The following SLC26A9 variants were observed in gnomAD, a reference collection of about 807,000 sequenced individuals.
The protein encoded by SLC26A9 is anion transporter/exchanger protein 9.
SLC26A9 carries 46 observed loss-of-function variants against 87.1 expected under a neutral mutation model. The observed-to-expected ratio is 0.53, with a 90% CI of 0.42 to 0.67. SLC26A9 has a LOEUF of 0.67. Ranked by LOEUF, SLC26A9 falls within the 30% of genes least tolerant of loss-of-function variation. The pLI, the probability that SLC26A9 is intolerant of heterozygous loss-of-function variation, is 0.00. For missense variants in SLC26A9, 927 were observed against 1,018.3 expected (o/e 0.91, Z 1.22); for synonymous variants, 437 against 409.1 (o/e 1.07, Z -0.82).
Position 205,914,723 on chromosome 1 carries a change from G to C in SLC26A9, c.*634C>G. On this transcript the variant is annotated 3_prime_UTR_variant, in exon 21 of 21. Coordinates refer to ENST00000367135, the MANE Select transcript of SLC26A9 (RefSeq NM_052934.4). ...CAGGCTAGAGTCTGATGTGCTTGCT[G>C]ACAGCAGTGGTGGTTTGGGCAGCCT... 1 of 779,080 alleles carries C rather than the reference G, an allele frequency of 1.3e-6. No homozygotes were observed. Among genetic ancestry groups the C allele is most frequent in the Non-Finnish European group, 2.0e-6 (1 of 495,288 alleles). The allele number at this position is 779,080 out of a possible 1,614,324, so 48.3% of individuals were successfully genotyped here.
intron 1 of SLC26A9, among the ~76,000 whole-genome samples, chr1:205,936,193 C>T (rs915643561): frequency 6.6e-6 from 1 of 152,174 alleles, no homozygotes; most frequent in African/African-American, 2.4e-5. Flanking sequence ...ACCCTCCCCT[C>T]CCCTGACCCC....
chr1:205,935,867 G>A, intron 1 of SLC26A9, 29 bp from the exon 2 acceptor site: 1 of 1,596,430 alleles, frequency 6.3e-7, no homozygotes, highest in Non-Finnish European at 8.6e-7. Context: ...AGGGGAGGGT[G>A]AGGGAACATC....
In SLC26A9 at chr1:205,915,351, G is replaced by C; in HGVS notation, c.*6C>G. The C allele has an allele frequency of 6.2e-7, 1 of 1,614,138 alleles. No individual in the cohort carries two copies. The highest frequency in any genetic ancestry group is 8.5e-7 in the Non-Finnish European group (1 of 1,180,010). ...TCTGTAGGCAGCATGAGGACTGGCT[G>C]AGCCCTCACAGGGCGGTCAGGGTCT... On this transcript the variant is annotated 3_prime_UTR_variant, in exon 21 of 21. Transcript: ENST00000367135.
At chr1:205,931,098 G>T (rs1163842136) in intron 5 of SLC26A9, among the ~76,000 whole-genome samples, 1 of 152,204 alleles carries the variant, frequency 6.6e-6, no homozygotes, top group Non-Finnish European at 1.5e-5. Context: ...TTTTGCTCTT[G>T]CATTCTGTCA....
At position 205,925,721 on chromosome 1, in the gene SLC26A9, T is replaced by C. The variant is rs1219100281; in HGVS notation, c.1389+814A>G. Among the ~76,000 whole-genome samples the C allele has an allele frequency of 4.6e-5, 7 of 152,158 alleles. No homozygotes were observed. The South Asian group carries it at 8.3e-4, about 18-fold the overall frequency. On this transcript the variant is annotated intron_variant, in intron 12 of 20. Coordinates refer to ENST00000367135, the MANE Select transcript of SLC26A9 (RefSeq NM_052934.4). ...GGAGTTTTAATCCAGACTCTACCAC[T>C]CCCTACCTCTGTGGCCTTTGACAAT...
rs1659237197 is a variant in SLC26A9 at position 205,929,917 on chromosome 1, T to A, written c.692A>T (p.Tyr231Phe). ...KYIFGLTIPS[Y>F]TGPGSIVFTF... ...AAAGACGATGGACCCTGGGCCTGTG[T>A]AGGAGGGGATGGTCAGTCCGAAGAT... The change falls in exon 6 of 21, where the codon TAC becomes TTC. Residue 231 changes from tyrosine to phenylalanine, a missense_variant. Physicochemically the swap from Tyr to Phe is conservative, Grantham distance 22. Transcript: ENST00000367135. 2 of 1,610,232 alleles carry A rather than the reference T, an allele frequency of 1.2e-6. No individual in the cohort carries two copies. Among genetic ancestry groups the A allele is most frequent in the Non-Finnish European group, 1.7e-6 (2 of 1,176,752 alleles).
chr1:205,929,834 C>T, intron 6 of SLC26A9, 58 bp downstream of exon 6: 1 of 1,525,374 alleles, frequency 6.6e-7, no homozygotes, highest in Non-Finnish European at 8.9e-7. Context: ...ACAGTACATC[C>T]TCCTCATGTG....
At chr1:205,933,133 A>G in intron 2 of SLC26A9, 49 bp from the exon 3 acceptor site, 1 of 1,611,658 alleles carries the variant, frequency 6.2e-7, no homozygotes, top group Non-Finnish European at 8.5e-7. Context: ...TGGCTTGGAC[A>G]TTCCGTGTTG....
chr1:205,923,722 C>T (rs1658944638), intron 13 of SLC26A9, 109 bp from the exon 14 acceptor site: 3 of 1,170,898 alleles, frequency 2.6e-6, no homozygotes, highest in East Asian at 2.4e-5. Context: ...GGGGTCCTGT[C>T]CTCACCCCCA....
At chr1:205,931,470 T>TTTTTTTTTTTTTTTTTTTTTGG (rs1345938098) in intron 5 of SLC26A9, among the ~76,000 whole-genome samples, 1 of 134,812 alleles carries the variant, frequency 7.4e-6, no homozygotes, top group Admixed American at 7.1e-5. Flanking sequence ...ACTTGGTTTT[T>TTTTTTTTTTTTTTTTTTTTTGG]TTTTTTTTTT....
intron 5 of SLC26A9, 80 bp from the exon 6 acceptor site, chr1:205,930,136 A>G: frequency 6.8e-7 from 1 of 1,462,836 alleles, no homozygotes; most frequent in Non-Finnish European, 9.2e-7. Context: ...ACACACACGC[A>G]GGTCTGGAGC....
Position 205,919,967 on chromosome 1 carries a change from C to G in SLC26A9, c.2110+209G>C, listed in dbSNP as rs564372352. ...TGTAACTCCATGACCTCCTCACCCC[C>G]ACTCTGTCACTAAGGCCCCTAGGAT... On this transcript the variant is annotated intron_variant, in intron 18 of 20. Coordinates refer to ENST00000367135, the MANE Select transcript of SLC26A9 (RefSeq NM_052934.4). Among the ~76,000 whole-genome samples the G allele has an allele frequency of 2.0e-5, 3 of 152,254 alleles. No individual in the cohort carries two copies. The South Asian group carries it at 6.2e-4, about 32-fold the overall frequency.
chr1:205,926,389 G>C lies in SLC26A9; in HGVS notation c.1389+146C>G, dbSNP rs1479757024. 1.3e-5 allele frequency: 9 copies of C among 684,606 alleles called. No individual in the cohort carries two copies. In the East Asian group the frequency reaches 2.4e-4, roughly 19 times the overall value. 42.4% of individuals were successfully genotyped at this position (684,606 alleles called of 1,614,324 possible). ...GTTTGAACATAGGATGTTTCACTTC[G>C]AAACTCGGACTTTTAACCACTCATC... On this transcript the variant is annotated intron_variant, in intron 12 of 20. Coordinates refer to ENST00000367135, the MANE Select transcript of SLC26A9 (RefSeq NM_052934.4).
rs1281791806 is a variant in SLC26A9 at position 205,920,245 on chromosome 1, G to T, written c.2056-15C>A. 1.9e-6 allele frequency: 3 copies of T among 1,613,798 alleles called. No individual in the cohort carries two copies. In the East Asian group the frequency reaches 6.7e-5, roughly 36 times the overall value. The stretch of plus-strand genomic sequence containing the variant: ...GTGGAGCTCAGCTAGAAGTGTTGTT[G>T]GGGTAGGGAGGCAAAAGGAAAGGAA... On this transcript the variant is annotated splice_polypyrimidine_tract_variant and intron_variant, in intron 17 of 20. Coordinates refer to ENST00000367135, the MANE Select transcript of SLC26A9 (RefSeq NM_052934.4).
intron 19 of SLC26A9, 45 bp from the exon 20 acceptor site, chr1:205,917,399 C>G: frequency 6.2e-7 from 1 of 1,604,782 alleles, no homozygotes; most frequent in Non-Finnish European, 8.5e-7. Context: ...AGTGACTGAA[C>G]AGCAAAGTTG....
In SLC26A9 at chr1:205,935,833, T is replaced by C. The variant is rs1410809681; in HGVS notation, c.-13A>G. The C allele has an allele frequency of 1.9e-6, 3 of 1,611,292 alleles. No individual in the cohort carries two copies. Among genetic ancestry groups the C allele is most frequent in the Non-Finnish European group, 2.5e-6 (3 of 1,178,324 alleles). On this transcript the variant is annotated 5_prime_UTR_variant, in exon 2 of 21. Coordinates refer to ENST00000367135, the MANE Select transcript of SLC26A9 (RefSeq NM_052934.4). ...TGGGCTGGCTCATATCTGGGGCATT[T>C]ACAAGCTTTGGGAGAAGCAGAGGAG...
intron 18 of SLC26A9, among the ~76,000 whole-genome samples, chr1:205,919,858 T>C (rs183894696): frequency 2.0e-5 from 3 of 152,272 alleles, no homozygotes; most frequent in Admixed American, 6.5e-5. Context: ...TAGGTAGAAA[T>C]AGATCCCTTG....
intron 5 of SLC26A9, among the ~76,000 whole-genome samples, chr1:205,930,616 C>T (rs576874593): frequency 2.6e-5 from 4 of 152,320 alleles, no homozygotes; most frequent in African/African-American, 7.2e-5. Flanking sequence ...GACCCAAAGT[C>T]GCTGTTCAGA....
At chr1:205,941,126 A>G (rs1480269674) in intron 1 of SLC26A9, among the ~76,000 whole-genome samples, 2 of 152,072 alleles carry the variant, frequency 1.3e-5, no homozygotes, top group African/African-American at 2.4e-5. Context: ...AAGGATGTAG[A>G]GGCCTCTGCA....
Sources: allele counts gnomAD v4.1 joint callset (sites outside exome capture counted in the v4.1 genomes callset), GRCh38; gene constraint gnomAD v4.1.1; transcripts MANE v1.5; gene names NCBI Gene and HGNC (gene_info 2026-07-23, HGNC 2026-07-21).